Variants in ABCC2 observed in about 807,000 individuals in gnomAD.
ABCC2 encodes ATP-binding cassette sub-family C member 2.
Under a neutral mutation model 173.4 loss-of-function variants are expected in ABCC2, and 157 were observed. That is an observed-to-expected ratio of 0.91 (90% CI 0.80 to 1.03). The LOEUF (loss-of-function observed/expected upper bound fraction) is 1.03. Among genes scored for constraint, ABCC2 ranks in the 50% least tolerant of loss-of-function variants. The pLI, the probability that ABCC2 is intolerant of heterozygous loss-of-function variation, is 0.00. For synonymous variants in ABCC2, 657 were observed against 693.5 expected (o/e 0.95, Z 0.83); for missense variants, 1,822 against 1,852.3 (o/e 0.98, Z 0.30).
chr10:99,840,781 C>T (rs1421979130), intron 25 of ABCC2, among the ~76,000 whole-genome samples: 1 of 152,236 alleles, frequency 6.6e-6, no homozygotes, highest in Non-Finnish European at 1.5e-5. Flanking sequence ...TCCCAAAGCG[C>T]TGGGATTATA....
intron 16 of ABCC2, among the ~76,000 whole-genome samples, chr10:99,814,583 A>ATACACATATACACACACATATGTGTG (rs2038342044): frequency 9.5e-6 from 1 of 105,428 alleles, no homozygotes; most frequent in Admixed American, 1.1e-4. Flanking sequence ...ACATATGTGT[A>ATACACATATACACACACATATGTGTG]TATACACATA....
rs1382048442 is a variant in ABCC2 at position 99,797,141 on chromosome 10, T to C, written c.677T>C (p.Val226Ala). The C allele has an allele frequency of 6.2e-7, 1 of 1,614,162 alleles. No individual in the cohort carries two copies. The highest frequency in any genetic ancestry group is 8.5e-7 in the Non-Finnish European group (1 of 1,180,012). The change falls in exon 7 of 32, where the codon GTC becomes GCC. Residue 226 changes from valine to alanine, a missense_variant. Val to Ala is a moderately conservative substitution (Grantham distance 64). Transcript: ENST00000647814. ...GYKRPLTLEDVWEVDEEMKTK... is the reference protein window; with the variant it reads ...GYKRPLTLEDAWEVDEEMKTK... ...AAGCGTCCTCTGACACTCGAGGATG[T>C]CTGGGAAGTTGATGAAGAGATGAAA...
intron 16 of ABCC2, among the ~76,000 whole-genome samples, chr10:99,816,712 C>T (rs756722675): frequency 1.3e-5 from 2 of 152,154 alleles, no homozygotes; most frequent in African/African-American, 2.4e-5. Context: ...AGGTGAGCGG[C>T]GAGCGAGCAT....
At chr10:99,813,995 A>G (rs1590163437) in intron 16 of ABCC2, among the ~76,000 whole-genome samples, 4 of 152,056 alleles carry the variant, frequency 2.6e-5, no homozygotes, top group African/African-American at 9.6e-5. Flanking sequence ...TTTGAGAGCT[A>G]AATCTTTGAT....
chr10:99,847,205 G>A, intron 30 of ABCC2, 78 bp downstream of exon 30: 1 of 1,513,414 alleles, frequency 6.6e-7, no homozygotes, highest in Non-Finnish European at 9.2e-7. Flanking sequence ...CTCGTGTTAG[G>A]TGATGCCTGG....
In ABCC2 at chr10:99,844,352, C is replaced by G. The variant is rs374880003; in HGVS notation, c.3874C>G (p.Pro1292Ala). The G allele has an allele frequency of 7.1e-5, 115 of 1,614,084 alleles. No individual in the cohort carries two copies. Among genetic ancestry groups the G allele is most frequent in the Non-Finnish European group, 9.5e-5 (112 of 1,180,040 alleles). Residue 1292 changes from proline to alanine, a missense_variant, in exon 28 of 32, where the codon CCA becomes GCA. By Grantham distance (27) the Pro-to-Ala change is conservative. Transcript: ENST00000647814. Reference sequence around the variant, plus strand: ...CTGGGTGACTGATAAGAGGCCTCCGCCAGATTGGCCCAGCAAAGGCAAGAT... The same window carrying G: ...CTGGGTGACTGATAAGAGGCCTCCGGCAGATTGGCCCAGCAAAGGCAAGAT... Reference protein sequence around the residue: ...APWVTDKRPPPDWPSKGKIQF... With the variant: ...APWVTDKRPPADWPSKGKIQF...
intron 19 of ABCC2, among the ~76,000 whole-genome samples, chr10:99,826,123 G>A (rs1388170378): frequency 6.6e-6 from 1 of 152,228 alleles, no homozygotes; most frequent in Admixed American, 6.5e-5. Flanking sequence ...GTTATATTCT[G>A]TTTATTTGAG....
At position 99,834,887 on chromosome 10, in the gene ABCC2, C is replaced by T. The variant is rs117457883; in HGVS notation, c.3414+352C>T. ...ATAAGAACCCCCATGACGATTAGGT[C>T]GGTTCCAGAAGAGCCATGCTATGGT... On this transcript the variant is annotated intron_variant, in intron 24 of 31. Transcript: ENST00000647814. Among the ~76,000 whole-genome samples the T allele has an allele frequency of 1.1e-3, 163 of 152,308 alleles. 3 individuals are homozygous for T. The East Asian group carries it at 0.026, about 25-fold the overall frequency.
chr10:99,830,528 A>G, intron 20 of ABCC2, 95 bp downstream of exon 20: 1 of 1,579,334 alleles, frequency 6.3e-7, no homozygotes, highest in Admixed American at 1.7e-5. Flanking sequence ...GAGGGTTAAC[A>G]CCATGGACAC....
At position 99,851,904 on chromosome 10, in the gene ABCC2, T is replaced by A. The variant is rs2039093031; in HGVS notation, c.*273T>A. On this transcript the variant is annotated 3_prime_UTR_variant, in exon 32 of 32. Transcript: ENST00000647814. ...CTGAATTTCACGATAATTATTCCTT[T>A]GCCTTTCATTTCTGTTTTATCACCT... is the stretch of plus-strand genomic sequence containing the variant. 5.9e-6 allele frequency: 2 copies of A among 337,820 alleles called. No homozygotes were observed. Among genetic ancestry groups the A allele is most frequent in the African/African-American group, 4.3e-5 (2 of 47,048 alleles). 20.9% of individuals were successfully genotyped at this position (337,820 alleles called of 1,614,324 possible).
intron 25 of ABCC2, among the ~76,000 whole-genome samples, chr10:99,841,606 C>T (rs2038945840): frequency 6.6e-6 from 1 of 151,966 alleles, no homozygotes; most frequent in Non-Finnish European, 1.5e-5. Flanking sequence ...TCCTAGGCCC[C>T]CTGAAATCAG....
intron 10 of ABCC2, among the ~76,000 whole-genome samples, chr10:99,804,964 C>A (rs1474525642): frequency 6.6e-6 from 1 of 152,072 alleles, no homozygotes; most frequent in Non-Finnish European, 1.5e-5. Context: ...AAGTATTATA[C>A]AGAGAATTCA....
At chr10:99,822,468 C>G (rs971011516) in intron 19 of ABCC2, among the ~76,000 whole-genome samples, 2 of 151,730 alleles carry the variant, frequency 1.3e-5, no homozygotes, top group Non-Finnish European at 2.9e-5. Context: ...TTTGCATCTC[C>G]GATGGGTTCA....
chr10:99,799,084 A>G, intron 7 of ABCC2, 123 bp from the exon 8 acceptor site: 1 of 1,039,860 alleles, frequency 9.6e-7, no homozygotes, highest in South Asian at 1.3e-5. Flanking sequence ...CAACTAGGCC[A>G]GGGAGAGATG....
At chr10:99,836,531 ATTTC>A (rs1008705994) in intron 25 of ABCC2, among the ~76,000 whole-genome samples, 2 of 152,078 alleles carry the variant, frequency 1.3e-5, no homozygotes, top group Non-Finnish European at 2.9e-5. Context: ...GAGAATCTCC[ATTTC>A]TTTGTTTTTG....
Position 99,819,579 on chromosome 10 carries a change from A to G in ABCC2, c.2620+310A>G, listed in dbSNP as rs61006863. Reference sequence around the variant, plus strand: ...TTGTGGAAGAAACACCAGTGGCACAACGGTCCCTCTTTTAGGGATGCCATG... The same window carrying G: ...TTGTGGAAGAAACACCAGTGGCACAGCGGTCCCTCTTTTAGGGATGCCATG... On this transcript the variant is annotated intron_variant, in intron 19 of 31. Coordinates refer to ENST00000647814, the MANE Select transcript of ABCC2 (RefSeq NM_000392.5). Among the ~76,000 whole-genome samples, 176 of 152,312 alleles carry G rather than the reference A, an allele frequency of 1.2e-3. 1 individual carries two copies. The highest frequency in any genetic ancestry group is 4.1e-3 in the African/African-American group (172 of 41,576).
intron 11 of ABCC2, among the ~76,000 whole-genome samples, chr10:99,806,073 C>CTGTG (rs1554849150): frequency 4.7e-5 from 2 of 42,942 alleles, no homozygotes; most frequent in South Asian, 1.2e-3. Flanking sequence ...CTCTCTCTCT[C>CTGTG]TGTCTGTGTG....
At chr10:99,846,352 T>G (rs1173779109) in intron 29 of ABCC2, among the ~76,000 whole-genome samples, 1 of 152,190 alleles carries the variant, frequency 6.6e-6, no homozygotes, top group Non-Finnish European at 1.5e-5. Context: ...CTGGGGGTAG[T>G]TTTGGTCTGT....
Position 99,846,954 on chromosome 10 carries a change from C to G in ABCC2, c.4147-7C>G. 1 of 1,614,160 alleles carries G rather than the reference C, an allele frequency of 6.2e-7. No homozygotes were observed. Among genetic ancestry groups the G allele is most frequent in the Non-Finnish European group, 8.5e-7 (1 of 1,180,006 alleles). ...CCCCAACAGCCCCCTTGTCCTTTCA[C>G]TTGCAGGACCCCATCCTGTTCTCTG... On this transcript the variant is annotated splice_region_variant and splice_polypyrimidine_tract_variant and intron_variant, in intron 29 of 31. Transcript: ENST00000647814.
Sources: gnomAD v4.1 joint callset for allele counts (sites outside exome capture counted in the v4.1 genomes callset) on GRCh38, gnomAD v4.1.1 for gene constraint, MANE v1.5 for transcripts, NCBI Gene and HGNC (gene_info 2026-07-23, HGNC 2026-07-21) for gene names.